The following LPGAT1 variants were observed in gnomAD, a reference collection of about 807,000 sequenced individuals.
LPGAT1 encodes acyl-CoA:lysophosphatidylglycerol acyltransferase 1.
In LPGAT1, 11 loss-of-function variants were observed where a neutral mutation model predicts 47.5. The ratio of observed to expected loss-of-function variants is 0.23; its 90% CI spans 0.15 to 0.38. The LOEUF (loss-of-function observed/expected upper bound fraction) is 0.38. Ranked by LOEUF, LPGAT1 falls within the 10% of genes least tolerant of loss-of-function variation. LPGAT1 has a pLI of 1.00. For synonymous variants in LPGAT1, 138 were observed against 144.2 expected (o/e 0.96, Z 0.31); for missense variants, 293 against 439.0 (o/e 0.67, Z 2.97).
intron 2 of LPGAT1, among the ~76,000 whole-genome samples, chr1:211,799,879 G>A (rs112789959): frequency 2.1e-3 from 324 of 152,188 alleles, no homozygotes; most frequent in African/African-American, 7.4e-3. Flanking sequence ...AAAGAACACT[G>A]CTGTTCACCC....
intron 3 of LPGAT1, among the ~76,000 whole-genome samples, chr1:211,789,123 C>G (rs1659006610): frequency 6.6e-6 from 1 of 152,194 alleles, no homozygotes; most frequent in South Asian, 2.1e-4. Context: ...TAATCACCAG[C>G]ATCCCATCTT....
At chr1:211,820,502 T>G (rs1174462650) in intron 2 of LPGAT1, among the ~76,000 whole-genome samples, 1 of 134,306 alleles carries the variant, frequency 7.4e-6, no homozygotes, top group Non-Finnish European at 1.6e-5. Flanking sequence ...AATGTCTAGA[T>G]AACAGGAATA....
intron 6 of LPGAT1, among the ~76,000 whole-genome samples, chr1:211,766,991 T>C (rs1361680538): frequency 6.9e-6 from 1 of 145,956 alleles, no homozygotes; most frequent in Non-Finnish European, 1.6e-5. Flanking sequence ...AATTAGAGAA[T>C]AGAAATTTTA....
intron 2 of LPGAT1, among the ~76,000 whole-genome samples, chr1:211,795,503 G>T (rs1659315477): frequency 6.6e-6 from 1 of 152,110 alleles, no homozygotes. Flanking sequence ...AAGTAGCTGG[G>T]ATTACAGGCA....
At chr1:211,804,592 TTC>T (rs1659690097) in intron 2 of LPGAT1, among the ~76,000 whole-genome samples, 1 of 152,196 alleles carries the variant, frequency 6.6e-6, no homozygotes, top group Admixed American at 6.5e-5. Flanking sequence ...GATTCTTAAA[TTC>T]TGTTTTATAC....
Position 211,808,306 on chromosome 1 carries a change from C to T in LPGAT1, c.239-15116G>A, listed in dbSNP as rs898430220. ...TGGAAATTGCAGTGAGCTGAGATCA[C>T]GCCATTGCACTCCAGTCTGCGCAAC... is the stretch of plus-strand genomic sequence containing the variant. On this transcript the variant is annotated intron_variant, in intron 2 of 7. Coordinates refer to ENST00000366997, the MANE Select transcript of LPGAT1 (RefSeq NM_014873.3). 8.0e-5 allele frequency among the ~76,000 whole-genome samples: 12 copies of T among 149,154 alleles called. 1 individual carries two copies. Among genetic ancestry groups the T allele is most frequent in the East Asian group, 8.0e-4 (4 of 5,014 alleles).
intron 2 of LPGAT1, among the ~76,000 whole-genome samples, chr1:211,800,086 GT>G (rs1659512319): frequency 6.8e-6 from 1 of 147,312 alleles, no homozygotes; most frequent in Admixed American, 6.9e-5. Flanking sequence ...CCAGGCTGGA[GT>G]GCAGTGGCAC....
chr1:211,810,291 T>C (rs1659921363), intron 2 of LPGAT1, among the ~76,000 whole-genome samples: 1 of 152,200 alleles, frequency 6.6e-6, no homozygotes, highest in Non-Finnish European at 1.5e-5. Flanking sequence ...ACTAGAATTC[T>C]ATCATGAAGT....
chr1:211,795,008 C>T (rs937602330), intron 2 of LPGAT1, among the ~76,000 whole-genome samples: 2 of 152,118 alleles, frequency 1.3e-5, no homozygotes, highest in East Asian at 1.9e-4. Context: ...GAAGCTAACT[C>T]AAATTCATAG....
chr1:211,753,151 C>T (rs999547561), intron 6 of LPGAT1, among the ~76,000 whole-genome samples: 2 of 152,204 alleles, frequency 1.3e-5, no homozygotes, highest in Admixed American at 1.3e-4. Context: ...GGTCCCTTCA[C>T]CATTGTCCTG....
intron 4 of LPGAT1, among the ~76,000 whole-genome samples, chr1:211,783,791 A>C (rs1244686856): frequency 6.6e-6 from 1 of 152,204 alleles, no homozygotes; most frequent in Admixed American, 6.5e-5. Flanking sequence ...AGTGCCTGCT[A>C]TGTGCCACGC....
chr1:211,767,825 T>C (rs1231690126), intron 6 of LPGAT1, among the ~76,000 whole-genome samples: 1 of 151,954 alleles, frequency 6.6e-6, no homozygotes, highest in South Asian at 2.1e-4. Flanking sequence ...GGGGAAAAAA[T>C]GAAACTATTA....
chr1:211,744,397 C>T lies in LPGAT1; in HGVS notation c.*5502G>A, dbSNP rs774878079. The T allele has an allele frequency of 3.9e-5, 6 of 151,998 alleles. No individual in the cohort carries two copies. The highest frequency in any genetic ancestry group is 7.4e-5 in the Non-Finnish European group (5 of 67,996). The allele number at this position is 151,998 out of a possible 1,614,324, so 9.4% of individuals were successfully genotyped here. ...TTCGGCTTAATGAGTCTAATATGTA[C>T]CATGGTAAGAAACAGTTTTAACAGT... is the stretch of plus-strand genomic sequence containing the variant. On this transcript the variant is annotated 3_prime_UTR_variant, in exon 8 of 8. Transcript: ENST00000366997.
In LPGAT1 at chr1:211,760,185, C is replaced by T. The variant is rs571155196; in HGVS notation, c.855-9118G>A. ...TTAAGAATAGAGATATCGGGCCGGG[C>T]GTGGTGGCTCACGCCTGTAATCCCA... is the stretch of plus-strand genomic sequence containing the variant. On this transcript the variant is annotated intron_variant, in intron 6 of 7. Transcript: ENST00000366997. 3.4e-4 allele frequency among the ~76,000 whole-genome samples: 52 copies of T among 152,290 alleles called. 1 individual carries two copies. Among genetic ancestry groups the T allele is most frequent in the Admixed American group, 3.1e-3 (47 of 15,296 alleles).
At chr1:211,820,748 A>G (rs1233917341) in intron 2 of LPGAT1, among the ~76,000 whole-genome samples, 3 of 152,306 alleles carry the variant, frequency 2.0e-5, no homozygotes, top group African/African-American at 7.2e-5. Flanking sequence ...AAGGTCTCCA[A>G]AAAGGAAAAC....
At chr1:211,787,374 G>A (rs1184866661) in intron 4 of LPGAT1, among the ~76,000 whole-genome samples, 1 of 151,572 alleles carries the variant, frequency 6.6e-6, no homozygotes, top group African/African-American at 2.4e-5. Context: ...TATAGTCCCA[G>A]CTACTCCAAA....
intron 6 of LPGAT1, among the ~76,000 whole-genome samples, chr1:211,754,637 G>C (rs1657359084): frequency 6.6e-6 from 1 of 152,132 alleles, no homozygotes; most frequent in Non-Finnish European, 1.5e-5. Context: ...TCTTAAAGGG[G>C]CCTCCATTGC....
intron 6 of LPGAT1, among the ~76,000 whole-genome samples, chr1:211,759,817 C>T (rs1414253873): frequency 2.6e-5 from 4 of 152,168 alleles, no homozygotes; most frequent in African/African-American, 9.7e-5. Context: ...AGTTTCTCAT[C>T]TTTTGTTATT....
chr1:211,751,761 T>C (rs931156866), intron 6 of LPGAT1, among the ~76,000 whole-genome samples: 1 of 152,234 alleles, frequency 6.6e-6, no homozygotes, highest in African/African-American at 2.4e-5. Flanking sequence ...GGGGGATTTT[T>C]TGTCCCCTTT....
Sources: allele counts gnomAD v4.1 joint callset (sites outside exome capture counted in the v4.1 genomes callset), GRCh38; gene constraint gnomAD v4.1.1; transcripts MANE v1.5; gene names NCBI Gene and HGNC (gene_info 2026-07-23, HGNC 2026-07-21).